Variants in UTRN observed in about 807,000 individuals in gnomAD.
UTRN encodes dystrophin-related protein 1.
In UTRN, 283 loss-of-function variants were observed where a neutral mutation model predicts 463.9. The ratio of observed to expected loss-of-function variants is 0.61; its 90% CI spans 0.55 to 0.67. The LOEUF is 0.67. UTRN is among the 30% of genes least tolerant of loss of function. The pLI is 0.00. For synonymous variants in UTRN, 1,442 were observed against 1,431.5 expected (o/e 1.01, Z -0.17); for missense variants, 3,922 against 4,084.3 (o/e 0.96, Z 1.08).
At chr6:144,818,974 C>G (rs1304530931) in intron 65 of UTRN, among the ~76,000 whole-genome samples, 2 of 151,764 alleles carry the variant, frequency 1.3e-5, no homozygotes, top group Non-Finnish European at 2.9e-5. Context: ...TTTTTCTCCA[C>G]AGGGTTTCCT....
At chr6:144,757,862 G>A (rs1375285378) in intron 57 of UTRN, 67 bp from the exon 58 acceptor site, 1 of 1,418,312 alleles carries the variant, frequency 7.1e-7, no homozygotes, top group African/African-American at 1.4e-5. Flanking sequence ...ATGTTCAGTT[G>A]TTTTGCATTA....
At chr6:144,725,702 G>A (rs1375116613) in intron 53 of UTRN, among the ~76,000 whole-genome samples, 1 of 152,206 alleles carries the variant, frequency 6.6e-6, no homozygotes, top group Non-Finnish European at 1.5e-5. Flanking sequence ...GTCTAATTGA[G>A]AGAGTTAAAG....
intron 2 of UTRN, among the ~76,000 whole-genome samples, chr6:144,292,504 C>T (rs1474477354): frequency 1.3e-5 from 2 of 152,142 alleles, no homozygotes; most frequent in Non-Finnish European, 2.9e-5. Flanking sequence ...TTTATATAAC[C>T]GAGTGCTTTT....
At chr6:144,524,395 C>T (rs1796378139) in intron 41 of UTRN, among the ~76,000 whole-genome samples, 1 of 151,738 alleles carries the variant, frequency 6.6e-6, no homozygotes, top group African/African-American at 2.4e-5. Flanking sequence ...GTAAAAATAT[C>T]CTTCTTTTTG....
chr6:144,736,278 G>A (rs1789385269), intron 54 of UTRN, among the ~76,000 whole-genome samples: 1 of 152,152 alleles, frequency 6.6e-6, no homozygotes, highest in Non-Finnish European at 1.5e-5. Flanking sequence ...ATGTTGGAGA[G>A]GTTAGATCAG....
intron 33 of UTRN, among the ~76,000 whole-genome samples, chr6:144,498,438 G>A (rs1385584575): frequency 6.6e-6 from 1 of 152,194 alleles, no homozygotes; most frequent in Non-Finnish European, 1.5e-5. Context: ...GGTTTGGTTT[G>A]TATAGTCGTG....
At chr6:144,783,425 A>AT (rs963036385) in intron 61 of UTRN, among the ~76,000 whole-genome samples, 4 of 151,902 alleles carry the variant, frequency 2.6e-5, no homozygotes, top group Non-Finnish European at 4.4e-5. Flanking sequence ...AAAAATCTGG[A>AT]TTTTTTTTCT....
chr6:144,654,977 T>C (rs1456825690), intron 51 of UTRN, among the ~76,000 whole-genome samples: 1 of 151,364 alleles, frequency 6.6e-6, no homozygotes, highest in Non-Finnish European at 1.5e-5. Context: ...TATTGGAATC[T>C]TTTGGTTATG....
rs544492331 is a variant in UTRN, at chr6:144,659,495, T to C, written c.7480-18911T>C. Among the ~76,000 whole-genome samples, 4 of 152,316 alleles carry C rather than the reference T, an allele frequency of 2.6e-5. No individual in the cohort carries two copies. The South Asian group carries it at 8.3e-4, about 32-fold the overall frequency. The stretch of plus-strand genomic sequence containing the variant: ...GACAGAACACCTTTTAAAACAAGTT[T>C]AGTTCTGTTGCATTGACAGCATCCC... On this transcript the variant is annotated intron_variant, in intron 51 of 74. Coordinates refer to ENST00000367545, the MANE Select transcript of UTRN (RefSeq NM_007124.3).
At chr6:144,482,118 G>A in intron 26 of UTRN, 91 bp from the exon 27 acceptor site, 1 of 1,159,788 alleles carries the variant, frequency 8.6e-7, no homozygotes, top group Middle Eastern at 2.7e-4. Flanking sequence ...TTTTAACTTT[G>A]GTTTAATTCT....
intron 51 of UTRN, among the ~76,000 whole-genome samples, chr6:144,675,228 C>T (rs1562746990): frequency 6.6e-6 from 1 of 152,122 alleles, no homozygotes; most frequent in Admixed American, 6.5e-5. Context: ...TTGTGCTCTT[C>T]TGCGTCTAGC....
At chr6:144,711,339 A>G (rs1785681559) in intron 53 of UTRN, among the ~76,000 whole-genome samples, 2 of 152,140 alleles carry the variant, frequency 1.3e-5, no homozygotes, top group Non-Finnish European at 2.9e-5. Flanking sequence ...AAACAAAAAA[A>G]AAAAAGCAGC....
chr6:144,577,808 C>CTT (rs1164299726), intron 51 of UTRN, among the ~76,000 whole-genome samples: 4 of 152,196 alleles, frequency 2.6e-5, no homozygotes, highest in African/African-American at 9.6e-5. Context: ...TAATATAAAA[C>CTT]TTTTCATTTA....
At chr6:144,371,096 C>T (rs1304319644) in intron 2 of UTRN, among the ~76,000 whole-genome samples, 1 of 152,230 alleles carries the variant, frequency 6.6e-6, no homozygotes, top group Non-Finnish European at 1.5e-5. Flanking sequence ...TCTCATGTCT[C>T]TTCACTGTGC....
intron 42 of UTRN, 105 bp downstream of exon 42, chr6:144,531,307 C>G (rs892406591): frequency 2.6e-6 from 3 of 1,149,464 alleles, no homozygotes; most frequent in Non-Finnish European, 3.4e-6. Flanking sequence ...TTTCAGAAGT[C>G]AATGGACAAT....
intron 2 of UTRN, among the ~76,000 whole-genome samples, chr6:144,301,720 A>T (rs376899585): frequency 6.6e-6 from 1 of 151,660 alleles, no homozygotes; most frequent in South Asian, 2.1e-4. Context: ...TTTTTAGTAG[A>T]AGTGGAGTTT....
intron 65 of UTRN, 117 bp from the exon 66 acceptor site, chr6:144,820,765 A>G (rs1779532910): frequency 7.5e-7 from 1 of 1,330,132 alleles, no homozygotes; most frequent in African/African-American, 1.5e-5. Flanking sequence ...AAAATGCATA[A>G]AACTACCAAA....
At chr6:144,511,759 T>C (rs1229543947) in intron 35 of UTRN, among the ~76,000 whole-genome samples, 1 of 152,218 alleles carries the variant, frequency 6.6e-6, no homozygotes, top group Admixed American at 6.5e-5. Context: ...ATGCCACTGC[T>C]CTGTAAATTT....
At position 144,729,504 on chromosome 6, in the gene UTRN, C is replaced by T. The variant is rs202127165; in HGVS notation, c.7810-853C>T. Among the ~76,000 whole-genome samples, 9 of 152,178 alleles carry T rather than the reference C, an allele frequency of 5.9e-5. No homozygotes were observed. In the South Asian group the frequency reaches 1.5e-3, roughly 25 times the overall value. On this transcript the variant is annotated intron_variant, in intron 53 of 74. Coordinates refer to ENST00000367545, the MANE Select transcript of UTRN (RefSeq NM_007124.3). ...ATAATAGGTTGCCAGGGAACTACACCGAAGGCAAAATACTAGAGCCAGTAG... is the reference window on the plus strand; with the variant it reads ...ATAATAGGTTGCCAGGGAACTACACTGAAGGCAAAATACTAGAGCCAGTAG...
Sources: gnomAD v4.1 joint callset for allele counts (sites outside exome capture counted in the v4.1 genomes callset) on GRCh38, gnomAD v4.1.1 for gene constraint, MANE v1.5 for transcripts, NCBI Gene and HGNC (gene_info 2026-07-23, HGNC 2026-07-21) for gene names.